The following SLIT2 variants were observed in gnomAD, a reference collection of about 807,000 sequenced individuals.
The protein encoded by SLIT2 is slit homolog 2 protein.
Under a neutral mutation model 185.7 loss-of-function variants are expected in SLIT2, and 41 were observed. The observed-to-expected ratio is 0.22, with a 90% CI of 0.17 to 0.29. The LOEUF is 0.29. Ranked by LOEUF, SLIT2 falls within the 10% of genes least tolerant of loss-of-function variation. SLIT2 has a pLI of 1.00. For missense variants in SLIT2, 1,571 were observed against 1,909.0 expected (o/e 0.82, Z 3.30); for synonymous variants, 693 against 680.2 (o/e 1.02, Z -0.29).
chr4:20,482,184 A>G (rs958688088), intron 6 of SLIT2, among the ~76,000 whole-genome samples: 3 of 151,966 alleles, frequency 2.0e-5, no homozygotes, highest in South Asian at 2.1e-4. Context: ...AAATTTAATC[A>G]AACAGCTGAT....
intron 26 of SLIT2, among the ~76,000 whole-genome samples, chr4:20,559,801 A>C (rs1031687774): frequency 6.6e-6 from 1 of 151,962 alleles, no homozygotes; most frequent in African/African-American, 2.4e-5. Context: ...CTTACTGCTT[A>C]AGTTTATTTT....
At chr4:20,419,589 G>A (rs1259175945) in intron 4 of SLIT2, among the ~76,000 whole-genome samples, 1 of 151,260 alleles carries the variant, frequency 6.6e-6, no homozygotes, top group Non-Finnish European at 1.5e-5. Flanking sequence ...TAACCTCTCT[G>A]ATATTCAATT....
At chr4:20,422,679 A>G (rs1728253443) in intron 4 of SLIT2, among the ~76,000 whole-genome samples, 1 of 152,142 alleles carries the variant, frequency 6.6e-6, no homozygotes, top group South Asian at 2.1e-4. Context: ...CTGAGAAGAC[A>G]TTTGCACAGT....
At chr4:20,592,987 G>C (rs1363362605) in intron 30 of SLIT2, among the ~76,000 whole-genome samples, 1 of 152,098 alleles carries the variant, frequency 6.6e-6, no homozygotes, top group African/African-American at 2.4e-5. Context: ...CCGCTCTCCA[G>C]CAACTCTCAA....
At chr4:20,258,468 C>G (rs1712093720) in intron 3 of SLIT2, among the ~76,000 whole-genome samples, 1 of 150,916 alleles carries the variant, frequency 6.6e-6, no homozygotes, top group South Asian at 2.1e-4. Context: ...TTTATTTGGC[C>G]CTAGCTTTAA....
chr4:20,523,615 A>G, intron 12 of SLIT2, 145 bp from the exon 13 acceptor site: 1 of 665,234 alleles, frequency 1.5e-6, no homozygotes. Flanking sequence ...TCTAGCCTCT[A>G]ATTCCTAAAT....
intron 4 of SLIT2, among the ~76,000 whole-genome samples, chr4:20,360,909 T>A (rs1012410270): frequency 1.3e-5 from 2 of 152,142 alleles, no homozygotes; most frequent in Admixed American, 6.6e-5. Context: ...CCCTGTGAGC[T>A]CACTATGTGA....
intron 4 of SLIT2, among the ~76,000 whole-genome samples, chr4:20,376,240 C>G (rs1188083792): frequency 6.7e-6 from 1 of 148,556 alleles, no homozygotes; most frequent in Non-Finnish European, 1.5e-5. Context: ...ACATGGACCT[C>G]TGGGAACTCC....
intron 5 of SLIT2, among the ~76,000 whole-genome samples, chr4:20,474,072 AT>A (rs1328420926): frequency 6.6e-6 from 1 of 151,986 alleles, no homozygotes; most frequent in Non-Finnish European, 1.5e-5. Context: ...ATTTATAGGG[AT>A]TGCTATCCTT....
At chr4:20,363,080 A>G (rs1474526445) in intron 4 of SLIT2, among the ~76,000 whole-genome samples, 1 of 152,116 alleles carries the variant, frequency 6.6e-6, no homozygotes, top group African/African-American at 2.4e-5. Context: ...AAATACTAGA[A>G]CTGGATTCTG....
At position 20,344,084 on chromosome 4, in the gene SLIT2, T is replaced by C. The variant is rs991259045; in HGVS notation, c.395+75203T>C. Among the ~76,000 whole-genome samples the C allele has an allele frequency of 3.3e-5, 5 of 152,072 alleles. No homozygotes were observed. The East Asian group carries it at 5.8e-4, about 18-fold the overall frequency. On this transcript the variant is annotated intron_variant, in intron 4 of 36. Coordinates refer to ENST00000504154, the MANE Select transcript of SLIT2 (RefSeq NM_004787.4). ...CAGGATGGTCTCGATCTCCTGACCTTGTGATCCACTCACCTCGGACTCCCA... is the reference window on the plus strand; with the variant it reads ...CAGGATGGTCTCGATCTCCTGACCTCGTGATCCACTCACCTCGGACTCCCA...
intron 19 of SLIT2, among the ~76,000 whole-genome samples, chr4:20,540,661 A>G (rs1722726745): frequency 6.6e-6 from 1 of 152,194 alleles, no homozygotes; most frequent in Non-Finnish European, 1.5e-5. Context: ...CTACTAATCT[A>G]ACTTAAAAGG....
intron 33 of SLIT2, among the ~76,000 whole-genome samples, chr4:20,604,316 A>G (rs772129773): frequency 2.6e-5 from 4 of 152,186 alleles, no homozygotes; most frequent in African/African-American, 9.7e-5. Context: ...TATTTTCTAA[A>G]GCTTTCTTTT....
intron 4 of SLIT2, among the ~76,000 whole-genome samples, chr4:20,333,068 G>A (rs561032858): frequency 1.8e-4 from 27 of 152,112 alleles, no homozygotes; most frequent in Non-Finnish European, 3.4e-4. Flanking sequence ...GTTACCACAT[G>A]ATGTAAGTTT....
chr4:20,504,605 G>A (rs729919), intron 9 of SLIT2, among the ~76,000 whole-genome samples: 3,460 of 152,094 alleles, frequency 0.023, 65 homozygotes, highest in East Asian at 0.073. Flanking sequence ...ATACAGTTAC[G>A]GAGTTATCTG....
At chr4:20,381,344 A>C (rs1272631927) in intron 4 of SLIT2, among the ~76,000 whole-genome samples, 2 of 152,176 alleles carry the variant, frequency 1.3e-5, no homozygotes. Context: ...CAAATCATAC[A>C]GAATAATAAA....
At chr4:20,480,565 G>A (rs779375815) in intron 5 of SLIT2, 151 bp from the exon 6 acceptor site, 6 of 554,260 alleles carry the variant, frequency 1.1e-5, no homozygotes, top group South Asian at 2.5e-5. Flanking sequence ...AGGCGAGAAT[G>A]GCTTATGACA....
intron 35 of SLIT2, 103 bp downstream of exon 35, chr4:20,617,301 A>C: frequency 2.1e-6 from 1 of 481,498 alleles, no homozygotes; most frequent in Non-Finnish European, 4.0e-6. Context: ...AAGGGAGGGG[A>C]GGGGAGGGGA....
At chr4:20,277,387 T>C (rs748107270) in intron 4 of SLIT2, among the ~76,000 whole-genome samples, 3 of 152,044 alleles carry the variant, frequency 2.0e-5, no homozygotes, top group Non-Finnish European at 2.9e-5. Flanking sequence ...TAAATTAAAT[T>C]TTAAATCTGG....
Sources: gnomAD v4.1 joint callset for allele counts (sites outside exome capture counted in the v4.1 genomes callset) on GRCh38, gnomAD v4.1.1 for gene constraint, MANE v1.5 for transcripts, NCBI Gene and HGNC (gene_info 2026-07-23, HGNC 2026-07-21) for gene names.